The following STS variants were observed in gnomAD, a reference collection of about 807,000 sequenced individuals.
STS encodes steryl-sulfatase.
In STS, 7 loss-of-function variants were observed where a neutral mutation model predicts 26.8. The ratio of observed to expected loss-of-function variants is 0.26; its 90% CI spans 0.15 to 0.49. The LOEUF (loss-of-function observed/expected upper bound fraction) is 0.49. Among genes scored for constraint, STS ranks in the 20% least tolerant of loss-of-function variants. The pLI, the probability that STS is intolerant of heterozygous loss-of-function variation, is 0.98. For synonymous variants in STS, 199 were observed against 189.4 expected (o/e 1.05, Z -0.42); for missense variants, 434 against 465.6 (o/e 0.93, Z 0.63).
intron 7 of STS, among the ~76,000 whole-genome samples, chrX:7,284,870 G>A (rs1925048727): frequency 8.9e-6 from 1 of 111,993 alleles, no homozygotes; most frequent in Non-Finnish European, 1.9e-5. Context: ...CTACTGTCTG[G>A]CATTGTGGTG....
intron 2 of STS, among the ~76,000 whole-genome samples, chrX:7,204,516 C>A (rs1601649492): frequency 2.1e-5 from 2 of 93,692 alleles, no homozygotes; most frequent in Non-Finnish European, 4.3e-5. Context: ...TCCTTTCCTC[C>A]CTTCCTCCCT....
At chrX:7,287,558 T>C (rs1314691137) in intron 7 of STS, among the ~76,000 whole-genome samples, 1 of 111,877 alleles carries the variant, frequency 8.9e-6, no homozygotes, top group African/African-American at 3.2e-5. Flanking sequence ...ACTATCTATT[T>C]GGTCATTTTT....
chrX:7,194,814 G>A (rs1257690230), intron 2 of STS, among the ~76,000 whole-genome samples: 9 of 111,657 alleles, frequency 8.1e-5, no homozygotes, highest in Admixed American at 3.8e-4. Context: ...ACAGGGATAC[G>A]TTCTGAGAAA....
intron 9 of STS, among the ~76,000 whole-genome samples, chrX:7,329,245 C>T (rs1202543117): frequency 6.3e-5 from 7 of 111,863 alleles, no homozygotes; most frequent in African/African-American, 2.3e-4. Context: ...TAGTGTTTTC[C>T]CCCAGGGGTC....
rs775580172 is a variant in STS at position 7,220,630 on chromosome X, G to T, written c.-5+29622G>T. 3.8e-3 allele frequency among the ~76,000 whole-genome samples: 377 copies of T among 99,135 alleles called. 2 individuals carry two copies. The highest frequency in any genetic ancestry group is 5.8e-3 in the Non-Finnish European group (292 of 50,056). 86.1% of individuals were successfully genotyped at this position (99,135 alleles called of 115,157 possible). On this transcript the variant is annotated intron_variant, in intron 2 of 10. Coordinates refer to ENST00000674429, the MANE Select transcript of STS (RefSeq NM_001320752.2). ...GTGGCGCGATCTCGGCTCACTGCAA[G>T]CTCCACCTCCCGGGTTCACGCCATT...
At chrX:7,303,308 C>T (rs1005576570) in intron 7 of STS, among the ~76,000 whole-genome samples, 5 of 111,365 alleles carry the variant, frequency 4.5e-5, no homozygotes, top group Non-Finnish European at 7.5e-5. Context: ...TTATAAGTTA[C>T]CCAGTCTCGG....
chrX:7,239,420 C>T (rs1922484333), intron 2 of STS, among the ~76,000 whole-genome samples: 1 of 112,050 alleles, frequency 8.9e-6, no homozygotes, highest in Non-Finnish European at 1.9e-5. Flanking sequence ...TCTTCCCCAT[C>T]GAGCAAATAG....
At chrX:7,282,519 A>T (rs1433451951) in intron 7 of STS, among the ~76,000 whole-genome samples, 2 of 111,950 alleles carry the variant, frequency 1.8e-5, no homozygotes, top group African/African-American at 6.5e-5. Flanking sequence ...TTTCTTTAAG[A>T]TCTTTAAAGT....
chrX:7,244,013 G>A (rs1465600257), intron 2 of STS, among the ~76,000 whole-genome samples: 1 of 111,154 alleles, frequency 9.0e-6, no homozygotes, highest in Non-Finnish European at 1.9e-5. Flanking sequence ...AGGTTGCAGT[G>A]AGTCGAGATC....
At chrX:7,266,174 C>CAT (rs34320830) in intron 6 of STS, among the ~76,000 whole-genome samples, 7 of 108,307 alleles carry the variant, frequency 6.5e-5, no homozygotes, top group South Asian at 4.0e-4. Context: ...GATATTTTAA[C>CAT]ATATATATAT....
chrX:7,232,151 T>G (rs1397816815), intron 2 of STS, among the ~76,000 whole-genome samples: 1 of 111,482 alleles, frequency 9.0e-6, no homozygotes. Flanking sequence ...TAGGAAAACT[T>G]GACCACATCT....
At chrX:7,231,815 ACT>A (rs1299172124) in intron 2 of STS, among the ~76,000 whole-genome samples, 1 of 95,199 alleles carries the variant, frequency 1.1e-5, no homozygotes, top group Non-Finnish European at 2.1e-5. Flanking sequence ...GTATTTTCAT[ACT>A]CTCTCTAATA....
intron 8 of STS, among the ~76,000 whole-genome samples, chrX:7,308,600 T>C (rs1414541159): frequency 9.0e-6 from 1 of 111,690 alleles, no homozygotes; most frequent in East Asian, 2.8e-4. Context: ...CAGGAGCTAC[T>C]CCATAAATTT....
At chrX:7,218,545 G>A (rs771030929) in intron 2 of STS, among the ~76,000 whole-genome samples, 3 of 112,137 alleles carry the variant, frequency 2.7e-5, no homozygotes, top group Admixed American at 9.4e-5. Flanking sequence ...TATAGACATC[G>A]CCTGGGGGCA....
At chrX:7,221,356 T>C (rs1357886172) in intron 2 of STS, among the ~76,000 whole-genome samples, 1 of 112,583 alleles carries the variant, frequency 8.9e-6, no homozygotes, top group African/African-American at 3.2e-5. Flanking sequence ...AATTATGGAA[T>C]AGTGCAGAGC....
chrX:7,333,171 CA>C (rs1293680888), intron 9 of STS, among the ~76,000 whole-genome samples: 5 of 112,370 alleles, frequency 4.4e-5, no homozygotes, highest in African/African-American at 1.6e-4. Context: ...GTTAAACACT[CA>C]CCCTTTCAAA....
chrX:7,163,139 G>T (rs886943397), intron 1 of STS, among the ~76,000 whole-genome samples: 8 of 110,570 alleles, frequency 7.2e-5, no homozygotes, highest in Non-Finnish European at 1.5e-4. Context: ...GACATTTGGG[G>T]CTGGGTCACT....
chrX:7,314,571 C>T (rs1926627374), intron 8 of STS, among the ~76,000 whole-genome samples: 1 of 112,972 alleles, frequency 8.9e-6, no homozygotes, highest in Non-Finnish European at 1.9e-5. Flanking sequence ...TCACCACTGT[C>T]TCAGGCATTG....
intron 6 of STS, among the ~76,000 whole-genome samples, chrX:7,266,078 C>T (rs1343496790): frequency 8.9e-6 from 1 of 111,993 alleles, no homozygotes; most frequent in African/African-American, 3.2e-5. Flanking sequence ...AAAGGAATGC[C>T]TGATCAAAGC....
Sources: gnomAD v4.1 joint callset for allele counts (sites outside exome capture counted in the v4.1 genomes callset) on GRCh38, gnomAD v4.1.1 for gene constraint, MANE v1.5 for transcripts, NCBI Gene and HGNC (gene_info 2026-07-23, HGNC 2026-07-21) for gene names.